Variants in MGAM observed in about 807,000 individuals in gnomAD.
MGAM encodes maltase-glucoamylase.
MGAM carries 253 observed loss-of-function variants against 358.8 expected under a neutral mutation model. The observed-to-expected ratio is 0.71, with a 90% CI of 0.64 to 0.78. The LOEUF is 0.78. Ranked by LOEUF, MGAM falls within the 30% of genes least tolerant of loss-of-function variation. MGAM has a pLI of 0.00. For synonymous variants in MGAM, 1,105 were observed against 1,227.1 expected (o/e 0.90, Z 2.08); for missense variants, 3,080 against 3,432.6 (o/e 0.90, Z 2.57).
At chr7:142,030,936 G>A (rs1452685629) in intron 12 of MGAM, among the ~76,000 whole-genome samples, 179 bp downstream of exon 12, 5 of 151,952 alleles carry the variant, frequency 3.3e-5, no homozygotes, top group African/African-American at 9.7e-5. Context: ...GCCGGCCATC[G>A]TAGCTTTTTG....
intron 36 of MGAM, among the ~76,000 whole-genome samples, 172 bp from the exon 37 acceptor site, chr7:142,064,212 G>C (rs532812884): frequency 1.3e-5 from 2 of 152,160 alleles, no homozygotes; most frequent in Admixed American, 6.5e-5. Flanking sequence ...AACACAGCAG[G>C]CGCCAATGCA....
rs1410101012 is a variant in MGAM at position 142,043,563 on chromosome 7, T to A, written c.2498+2717T>A. On this transcript the variant is annotated intron_variant, in intron 21 of 70. Coordinates refer to ENST00000475668, the MANE Select transcript of MGAM (RefSeq NM_001365693.1). Reference sequence around the variant, plus strand: ...TATAGATATATCTAAATATATATATTATATATACATATGATATCTAAATAT... The same window carrying A: ...TATAGATATATCTAAATATATATATAATATATACATATGATATCTAAATAT... Among the ~76,000 whole-genome samples the A allele has an allele frequency of 2.1e-5, 2 of 96,912 alleles. 1 individual carries two copies. The highest frequency in any genetic ancestry group is 8.0e-5 in the African/African-American group (2 of 24,926). The allele number at this position is 96,912 out of a possible 152,430, so 63.6% of individuals were successfully genotyped here.
chr7:142,062,391 C>T (rs898995442), intron 34 of MGAM, among the ~76,000 whole-genome samples, 177 bp from the exon 35 acceptor site: 1 of 152,140 alleles, frequency 6.6e-6, no homozygotes, highest in African/African-American at 2.4e-5. Context: ...GCAAATTGCA[C>T]TAATTTCTCC....
At chr7:142,004,542 A>C (rs917935299) in intron 1 of MGAM, 5 of 152,040 alleles carry the variant, frequency 3.3e-5, no homozygotes, top group Admixed American at 6.6e-5. Flanking sequence ...CAAAAGGAGA[A>C]AGGGTTAGGG....
intron 34 of MGAM, among the ~76,000 whole-genome samples, chr7:142,061,042 T>C (rs2961070): frequency 0.53 from 81,101 of 152,030 alleles, 22,979 homozygotes; most frequent in Middle Eastern, 0.65. Flanking sequence ...CATTTCTTGC[T>C]TGAATGAATA....
intron 17 of MGAM, 107 bp from the exon 18 acceptor site, chr7:142,036,716 C>A: frequency 7.9e-7 from 1 of 1,267,838 alleles, no homozygotes; most frequent in Non-Finnish European, 1.1e-6. Context: ...TGGCCTCTGT[C>A]ATTCAGGAGG....
intron 57 of MGAM, among the ~76,000 whole-genome samples, chr7:142,091,199 G>T (rs533311138): frequency 7.1e-6 from 1 of 141,200 alleles, no homozygotes; most frequent in Non-Finnish European, 1.6e-5. Context: ...GTGAGCCGAG[G>T]TAGCACCACT....
intron 70 of MGAM, 97 bp downstream of exon 70, chr7:142,103,536 C>A: frequency 8.2e-7 from 1 of 1,212,732 alleles, no homozygotes; most frequent in Non-Finnish European, 1.1e-6. Context: ...CCCTCTCCTG[C>A]CAGGCCCTCC....
chr7:142,066,291 A>G lies in MGAM; in HGVS notation c.4771-282A>G, dbSNP rs1214324824. On this transcript the variant is annotated intron_variant, in intron 40 of 70. Transcript: ENST00000475668. ...TGAAGACCTGGTGTCTCAATGAACC[A>G]TATTCCTCATTGTGCTTTAGATTAT... Among the ~76,000 whole-genome samples, 3 of 146,044 alleles carry G rather than the reference A, an allele frequency of 2.1e-5. No homozygotes were observed. In the East Asian group the frequency reaches 6.0e-4, roughly 29 times the overall value.
chr7:142,039,324 A>G (rs1808296347), intron 19 of MGAM, among the ~76,000 whole-genome samples: 1 of 151,732 alleles, frequency 6.6e-6, no homozygotes, highest in Non-Finnish European at 1.5e-5. Context: ...CTGGTCTCAA[A>G]CTGCTGACCT....
At position 142,094,073 on chromosome 7, in the gene MGAM, G is replaced by C. The variant is rs150564697; in HGVS notation, c.7173-291G>C. Among the ~76,000 whole-genome samples, 58 of 146,194 alleles carry C rather than the reference G, an allele frequency of 4.0e-4. 7 individuals carry two copies. In the East Asian group the frequency reaches 8.9e-3, roughly 22 times the overall value. ...TTCACTGTGTTCCTCCTCAAATATA[G>C]AAAACTAAGTTTTGGGGAAACCAAT... On this transcript the variant is annotated intron_variant, in intron 60 of 70. Transcript: ENST00000475668.
rs1812784572 is a variant in MGAM, at chr7:142,066,627, C to T, written c.4825C>T (p.Leu1609=). The T allele has an allele frequency of 1.9e-6, 3 of 1,555,732 alleles. 1 individual carries two copies. In the East Asian group the frequency reaches 6.8e-5, roughly 35 times the overall value. The change falls in exon 41 of 71, where the codon CTG becomes TTG. Residue 1609 remains leucine (L), a synonymous_variant. Coordinates refer to ENST00000475668, the MANE Select transcript of MGAM (RefSeq NM_001365693.1). ...AAFVNISRNV[L]QTRYTLLPYL... is the part of the protein sequence containing the mutation. ...TTTTGTGAATATTTCCAGAAATGTC[C>T]TGCAGACCAGATACACCCTGTTGCC...
intron 3 of MGAM, among the ~76,000 whole-genome samples, chr7:142,011,954 G>A (rs1196870021): frequency 2.6e-5 from 4 of 152,152 alleles, no homozygotes; most frequent in African/African-American, 9.7e-5. Context: ...TTATAAAATA[G>A]CCTACATTTA....
chr7:142,038,138 A>G (rs1344180663), intron 18 of MGAM, among the ~76,000 whole-genome samples: 1 of 152,130 alleles, frequency 6.6e-6, no homozygotes, highest in Non-Finnish European at 1.5e-5. Context: ...CAAATAGGTG[A>G]AAACATGTGA....
At chr7:142,093,605 C>CTTA in intron 60 of MGAM, 55 bp downstream of exon 60, 1 of 1,443,404 alleles carries the variant, frequency 6.9e-7, no homozygotes, top group South Asian at 1.2e-5. Context: ...TTGCCAGTGA[C>CTTA]TGACATAGCT....
chr7:142,045,005 A>T (rs1220314692), intron 21 of MGAM, among the ~76,000 whole-genome samples: 1 of 105,938 alleles, frequency 9.4e-6, no homozygotes, highest in Non-Finnish European at 1.8e-5. Context: ...CGTGTAATAT[A>T]TGATATATAA....
Position 142,050,258 on chromosome 7 carries a change from CT to C in MGAM, c.2615del (p.Leu872TyrfsTer13), listed in dbSNP as rs747730268. On this transcript the variant is annotated frameshift_variant, in exon 23 of 71. Coordinates refer to ENST00000475668, the MANE Select transcript of MGAM (RefSeq NM_001365693.1). LOFTEE classifies it high-confidence loss of function. ...AGATACTGTGGCCAATAAAGTGTAT[CT>C]TTTATGTGAGTTTTCTGTCACTCAA... Reference protein sequence around the residue: ...TKDTVANKVYLLCEFSVTQNR... With the variant: ...TKDTVANKVYXLCEFSVTQNR... 4.3e-6 allele frequency: 7 copies of C among 1,613,738 alleles called. No individual in the cohort carries two copies. Among genetic ancestry groups the C allele is most frequent in the Non-Finnish European group, 5.9e-6 (7 of 1,179,768 alleles).
intron 35 of MGAM, among the ~76,000 whole-genome samples, chr7:142,062,924 C>A (rs1471130601): frequency 6.6e-6 from 1 of 152,268 alleles, no homozygotes; most frequent in South Asian, 2.1e-4. Flanking sequence ...CGGGACCAGG[C>A]GTGGTGGTTC....
chr7:142,067,963 T>TATATATATATATATATATAA (rs1812958167), intron 42 of MGAM, among the ~76,000 whole-genome samples: 1 of 34,422 alleles, frequency 2.9e-5, no homozygotes, highest in Non-Finnish European at 6.1e-5. Context: ...TATATATATA[T>TATATATATATATATATATAA]AAATATATAT....
Sources: allele counts gnomAD v4.1 joint callset (sites outside exome capture counted in the v4.1 genomes callset), GRCh38; gene constraint gnomAD v4.1.1; transcripts MANE v1.5; gene names NCBI Gene and HGNC (gene_info 2026-07-23, HGNC 2026-07-21).